Variants in LRRC37A2 observed in about 807,000 individuals in gnomAD.
The protein encoded by LRRC37A2 is leucine-rich repeat-containing protein 37A2.
A neutral mutation model predicts 68.8 loss-of-function variants in LRRC37A2; 9 were observed. The ratio of observed to expected loss-of-function variants is 0.13; its 90% CI spans 0.08 to 0.23. The LOEUF is 0.23. LRRC37A2 is among the 10% of genes least tolerant of loss of function. LRRC37A2 has a pLI of 1.00. For synonymous variants in LRRC37A2, 63 were observed against 367.6 expected (o/e 0.17, Z 9.48); for missense variants, 168 against 950.4 (o/e 0.18, Z 10.82).
the LRRC37A2 span, among the ~76,000 whole-genome samples, chr17:46,669,624 C>T: frequency 7.6e-6 from 1 of 131,014 alleles, no homozygotes; most frequent in Non-Finnish European, 1.7e-5. Context: ...AAGGTAGGGA[C>T]TCAACCCCAA....
chr17:46,493,752 T>C, the LRRC37A2 span, among the ~76,000 whole-genome samples: 2 of 149,850 alleles, frequency 1.3e-5, no homozygotes, highest in Non-Finnish European at 2.9e-5. Context: ...TTAGCCAGGA[T>C]GGTCTTGATC....
chr17:46,852,902 C>T, the LRRC37A2 span, among the ~76,000 whole-genome samples: 4 of 152,094 alleles, frequency 2.6e-5, no homozygotes, highest in African/African-American at 7.2e-5. Flanking sequence ...CAGGTCATGA[C>T]CCCTGGTGGA....
At chr17:46,494,695 T>C in the LRRC37A2 span, among the ~76,000 whole-genome samples, 1 of 151,686 alleles carries the variant, frequency 6.6e-6, no homozygotes, top group South Asian at 2.1e-4. Context: ...TTTTCACTGT[T>C]TCCTTAAGGT....
chr17:46,896,456 GAAA>G, the LRRC37A2 span, among the ~76,000 whole-genome samples: 164 of 116,950 alleles, frequency 1.4e-3, 5 homozygotes, highest in African/African-American at 5.6e-3. Flanking sequence ...GAAAGAAAAA[GAAA>G]GAAAGAAAGA....
downstream of LRRC37A2, among the ~76,000 whole-genome samples, chr17:46,558,648 C>T (rs1361410908): frequency 7.8e-6 from 1 of 128,778 alleles, no homozygotes; most frequent in Admixed American, 7.8e-5. Context: ...ACCTTGGCCT[C>T]CCAAAGTGCT....
chr17:46,776,839 G>C, the LRRC37A2 span, among the ~76,000 whole-genome samples: 1 of 152,142 alleles, frequency 6.6e-6, no homozygotes, highest in Non-Finnish European at 1.5e-5. Flanking sequence ...AGCTGAGGCG[G>C]GAGTGAGAGG....
chr17:46,879,212 G>A, the LRRC37A2 span, among the ~76,000 whole-genome samples: 14 of 152,098 alleles, frequency 9.2e-5, no homozygotes, highest in African/African-American at 2.4e-4. Flanking sequence ...GTATTTTCCC[G>A]GAAACCCTCT....
chr17:46,920,379 A>G, the LRRC37A2 span, among the ~76,000 whole-genome samples: 1 of 152,160 alleles, frequency 6.6e-6, no homozygotes, highest in Admixed American at 6.5e-5. Context: ...TTGTGTTCCT[A>G]TCTCCAGTAT....
the LRRC37A2 span, among the ~76,000 whole-genome samples, chr17:46,500,996 A>G: frequency 1.3e-5 from 2 of 151,274 alleles, no homozygotes; most frequent in Non-Finnish European, 2.9e-5. Flanking sequence ...CCTGGCTAAC[A>G]TGGTGAGACC....
At chr17:46,638,837 A>G in the LRRC37A2 span, among the ~76,000 whole-genome samples, 1 of 50,626 alleles carries the variant, frequency 2.0e-5, no homozygotes, top group Non-Finnish European at 3.1e-5. Flanking sequence ...TAAAGAAGGT[A>G]AATGGTATGC....
At chr17:47,015,438 G>A in the LRRC37A2 span, among the ~76,000 whole-genome samples, 4 of 152,074 alleles carry the variant, frequency 2.6e-5, no homozygotes, top group African/African-American at 4.8e-5. Flanking sequence ...TGTAGCCTAG[G>A]AGTCCTAAGC....
At chr17:46,810,047 C>G in the LRRC37A2 span, among the ~76,000 whole-genome samples, 1 of 139,680 alleles carries the variant, frequency 7.2e-6, no homozygotes, top group East Asian at 2.1e-4. Flanking sequence ...GGTCTTGTTG[C>G]CCAGGCTGGA....
chr17:46,919,718 G>A, the LRRC37A2 span, among the ~76,000 whole-genome samples: 4 of 152,258 alleles, frequency 2.6e-5, no homozygotes, highest in Admixed American at 6.5e-5. Flanking sequence ...AGGCCAAAGC[G>A]GGTGGATCAT....
intron 6 of LRRC37A2, among the ~76,000 whole-genome samples, chr17:46,530,519 T>A (rs1362380943): frequency 1.4e-5 from 1 of 70,804 alleles, no homozygotes; most frequent in Non-Finnish European, 2.9e-5. Context: ...TGACTCACTC[T>A]GATCTTGGTC....
At chr17:46,638,642 G>T in the LRRC37A2 span, among the ~76,000 whole-genome samples, 1 of 138,652 alleles carries the variant, frequency 7.2e-6, no homozygotes, top group Non-Finnish European at 1.5e-5. Context: ...CTCCCAAAGT[G>T]CTGAGATTAC....
chr17:46,894,796 G>A, the LRRC37A2 span, among the ~76,000 whole-genome samples: 2 of 152,196 alleles, frequency 1.3e-5, no homozygotes, highest in African/African-American at 4.8e-5. Context: ...TCTGATAAAA[G>A]CGATAATTAG....
chr17:46,879,340 A>G, the LRRC37A2 span, among the ~76,000 whole-genome samples: 1 of 152,112 alleles, frequency 6.6e-6, no homozygotes, highest in Non-Finnish European at 1.5e-5. Flanking sequence ...TGGTAAGCAC[A>G]TGTCCGCTCT....
the LRRC37A2 span, among the ~76,000 whole-genome samples, chr17:47,015,940 A>ATTTTAT: frequency 1.7e-4 from 26 of 151,782 alleles, no homozygotes; most frequent in Admixed American, 5.9e-4. Flanking sequence ...CTTCCATTTT[A>ATTTTAT]TTTATTTTAT....
the LRRC37A2 span, chr17:46,764,331 A>G: frequency 3.3e-5 from 5 of 152,680 alleles, no homozygotes; most frequent in African/African-American, 9.6e-5. Context: ...TTTCTTTAAC[A>G]TGTGCAAAGA....
Sources: allele counts gnomAD v4.1 joint callset (sites outside exome capture counted in the v4.1 genomes callset), GRCh38; gene constraint gnomAD v4.1.1; transcripts MANE v1.5; gene names NCBI Gene and HGNC (gene_info 2026-07-23, HGNC 2026-07-21).